The following ABCA5 variants were observed in gnomAD, a reference collection of about 807,000 sequenced individuals.
ABCA5 encodes cholesterol transporter ABCA5.
A neutral mutation model predicts 206.0 loss-of-function variants in ABCA5; 163 were observed. That is an observed-to-expected ratio of 0.79 (90% CI 0.70 to 0.90). The LOEUF (loss-of-function observed/expected upper bound fraction) is 0.90. ABCA5 is among the 40% of genes least tolerant of loss of function. The pLI, the probability that ABCA5 is intolerant of heterozygous loss-of-function variation, is 0.00. For missense variants in ABCA5, 1,859 were observed against 1,912.9 expected (o/e 0.97, Z 0.53); for synonymous variants, 609 against 613.8 (o/e 0.99, Z 0.11).
intron 8 of ABCA5, among the ~76,000 whole-genome samples, chr17:69,302,000 A>G (rs189582574): frequency 3.9e-5 from 6 of 152,208 alleles, no homozygotes; most frequent in African/African-American, 1.2e-4. Flanking sequence ...CTCAAAATGT[A>G]TAACAATCAT....
At chr17:69,265,852 G>C (rs2075201620) in intron 23 of ABCA5, among the ~76,000 whole-genome samples, 1 of 152,136 alleles carries the variant, frequency 6.6e-6, no homozygotes, top group Non-Finnish European at 1.5e-5. Flanking sequence ...ACATAAAATG[G>C]AACACTCATC....
intron 10 of ABCA5, among the ~76,000 whole-genome samples, chr17:69,296,366 TTTTA>T: frequency 6.6e-6 from 1 of 152,306 alleles, no homozygotes; most frequent in Non-Finnish European, 1.5e-5. Flanking sequence ...TTTCATTTTA[TTTTA>T]TTTCTTTTCT....
intron 36 of ABCA5, 72 bp from the exon 37 acceptor site, chr17:69,250,056 A>C (rs2074994354): frequency 9.4e-6 from 9 of 957,542 alleles, no homozygotes; most frequent in Non-Finnish European, 1.2e-5. Context: ...AAAGTTCAAC[A>C]TGTTTAAAAT....
rs2075142696 is a variant in ABCA5 at position 69,261,177 on chromosome 17, C to T, written c.3512G>A (p.Cys1171Tyr). ...TIATILHYAFCIIIPIYPLLG... is the reference protein window; with the variant it reads ...TIATILHYAFYIIIPIYPLLG... ...AAGTGGATAGATTGGAATGATGATA[C>T]AAAAGGCATAATGAAGAATAGTTGC... The change falls in exon 26 of 39, where the codon TGT becomes TAT. Residue 1171 changes from cysteine (C) to tyrosine (Y), a missense_variant. Transcript: ENST00000392676. 1 of 1,605,516 alleles carries T rather than the reference C, an allele frequency of 6.2e-7. No homozygotes were observed. Among genetic ancestry groups the T allele is most frequent in the African/African-American group, 1.3e-5 (1 of 74,560 alleles).
chr17:69,267,925 T>A lies in ABCA5; in HGVS notation c.3144+18A>T. On this transcript the variant is annotated intron_variant, in intron 23 of 38. Transcript: ENST00000392676. ...CACTTCTTATTAGCAAATTATATAT[T>A]TTTAACTGAGTCATTACCTTATGAT... is the stretch of plus-strand genomic sequence containing the variant. 1 of 1,452,318 alleles carries A rather than the reference T, an allele frequency of 6.9e-7. No individual in the cohort carries two copies. Among genetic ancestry groups the A allele is most frequent in the Non-Finnish European group, 9.6e-7 (1 of 1,040,936 alleles). 90.0% of individuals were successfully genotyped at this position (1,452,318 alleles called of 1,614,324 possible).
At chr17:69,303,054 T>A (rs926774972) in intron 7 of ABCA5, 148 bp from the exon 8 acceptor site, 15 of 480,556 alleles carry the variant, frequency 3.1e-5, no homozygotes, top group Non-Finnish European at 5.1e-5. Context: ...CTATGGTATT[T>A]TATTTTCAAA....
Position 69,289,239 on chromosome 17 carries a change from T to A in ABCA5, c.1840A>T (p.Lys614Ter). The stretch of plus-strand genomic sequence containing the variant: ...TTTCTTTTTTGACCACCACTTAATT[T>A]TTTAGCTTGGTTATCTTTGATAGTC... ...MQTIKDNQAK[K>*]LSGGQKRKLS... Residue 614 changes from lysine (K) to a stop codon, truncating the protein, a stop_gained, in exon 14 of 39, where the codon AAA becomes TAA. Coordinates refer to ENST00000392676, the MANE Select transcript of ABCA5 (RefSeq NM_172232.4). LOFTEE classifies it high-confidence loss of function. 1 of 1,608,932 alleles carries A rather than the reference T, an allele frequency of 6.2e-7. No homozygotes were observed. The highest frequency in any genetic ancestry group is 8.5e-7 in the Non-Finnish European group (1 of 1,177,788).
chr17:69,302,769 C>A lies in ABCA5; in HGVS notation c.1068G>T (p.Val356=), dbSNP rs985303684. The A allele has an allele frequency of 1.3e-6, 2 of 1,598,802 alleles. No individual in the cohort carries two copies. The highest frequency in any genetic ancestry group is 2.7e-5 in the African/African-American group (2 of 74,148). ...AGTGACAGAAAGGACTGAAAAGCCA[C>A]ACTAACGATTTGGGAAAACTTTCTA... ...ILIESFPKSL[V]WLFSPFCHCT... The change falls in exon 8 of 39, where the codon GTG becomes GTT. Residue 356 remains valine, a synonymous_variant. Coordinates refer to ENST00000392676, the MANE Select transcript of ABCA5 (RefSeq NM_172232.4).
intron 1 of ABCA5, among the ~76,000 whole-genome samples, chr17:69,325,248 G>A (rs894104193): frequency 1.1e-4 from 16 of 151,558 alleles, no homozygotes; most frequent in African/African-American, 3.9e-4. Flanking sequence ...AGTCAAGGCT[G>A]CAGTGAGCCA....
At chr17:69,252,399 T>G (rs1262281016) in intron 34 of ABCA5, among the ~76,000 whole-genome samples, 1 of 152,200 alleles carries the variant, frequency 6.6e-6, no homozygotes, top group East Asian at 1.9e-4. Context: ...AATGTTAATA[T>G]GGGCTAAAAG....
At chr17:69,262,016 CATTATT>C (rs34972131) in intron 24 of ABCA5, among the ~76,000 whole-genome samples, 1 of 151,496 alleles carries the variant, frequency 6.6e-6, no homozygotes, top group Non-Finnish European at 1.5e-5. Flanking sequence ...GTAAGAAAAA[CATTATT>C]ATTTTATATG....
chr17:69,289,621 G>A (rs909289023), intron 13 of ABCA5, among the ~76,000 whole-genome samples: 2 of 152,034 alleles, frequency 1.3e-5, no homozygotes, highest in African/African-American at 2.4e-5. Flanking sequence ...GGGGGTAGAG[G>A]AGATGAGAGC....
intron 11 of ABCA5, among the ~76,000 whole-genome samples, chr17:69,293,994 C>CA (rs955947176): frequency 6.6e-6 from 1 of 151,862 alleles, no homozygotes; most frequent in African/African-American, 2.4e-5. Flanking sequence ...TTATCAGGAC[C>CA]AAAATGTCAG....
chr17:69,281,198 C>A (rs1004636834), intron 18 of ABCA5, among the ~76,000 whole-genome samples: 1 of 151,308 alleles, frequency 6.6e-6, no homozygotes, highest in Non-Finnish European at 1.5e-5. Context: ...ACAGTTAATG[C>A]AAATATTAAA....
Position 69,253,612 on chromosome 17 carries a change from G to C in ABCA5, c.4376C>G (p.Pro1459Arg). 6.2e-7 allele frequency: 1 copy of C among 1,613,730 alleles called. No homozygotes were observed. Among genetic ancestry groups the C allele is most frequent in the Non-Finnish European group, 8.5e-7 (1 of 1,179,810 alleles). ...GNPQITLLDEPSTGMDPKAKQ... is the reference protein window; with the variant it reads ...GNPQITLLDERSTGMDPKAKQ... ...GGCTTTGGGATCCATACCTGTAGATGGTTCATCTAGCAAAGTAATCTGAGG... is the reference window on the plus strand; with the variant it reads ...GGCTTTGGGATCCATACCTGTAGATCGTTCATCTAGCAAAGTAATCTGAGG... The change falls in exon 34 of 39, where the codon CCA becomes CGA. Residue 1459 changes from proline to arginine, a missense_variant. Pro to Arg is a moderately radical substitution (Grantham distance 103). Coordinates refer to ENST00000392676, the MANE Select transcript of ABCA5 (RefSeq NM_172232.4).
chr17:69,313,337 G>A, intron 2 of ABCA5, 41 bp from the exon 3 acceptor site: 3 of 937,494 alleles, frequency 3.2e-6, no homozygotes, highest in Middle Eastern at 3.3e-4. Flanking sequence ...GTATAACAAT[G>A]GCAGCAAAAA....
chr17:69,313,034 G>A (rs2075784564), intron 3 of ABCA5, 58 bp downstream of exon 3: 3 of 1,183,760 alleles, frequency 2.5e-6, no homozygotes, highest in Admixed American at 2.7e-5. Context: ...AAAGCAAGCT[G>A]ATAAATATTG....
intron 1 of ABCA5, among the ~76,000 whole-genome samples, chr17:69,321,619 G>C (rs1468856902): frequency 6.6e-6 from 1 of 152,142 alleles, no homozygotes; most frequent in Non-Finnish European, 1.5e-5. Flanking sequence ...TCACTCACTA[G>C]CAGCTGAGTT....
In ABCA5 at chr17:69,246,273, T is replaced by C. The variant is rs2144879409; in HGVS notation, c.*1264A>G. Reference sequence around the variant, plus strand: ...GTACCAAATCCTTCTGTCATTGCTGTTGTTGTTGTCTAATACAATAATCAC... The same window carrying C: ...GTACCAAATCCTTCTGTCATTGCTGCTGTTGTTGTCTAATACAATAATCAC... On this transcript the variant is annotated 3_prime_UTR_variant, in exon 39 of 39. Transcript: ENST00000392676. The C allele has an allele frequency of 6.6e-6, 1 of 152,120 alleles. No homozygotes were observed. Among genetic ancestry groups the C allele is most frequent in the South Asian group, 2.1e-4 (1 of 4,834 alleles). The allele number at this position is 152,120 out of a possible 1,614,324, so 9.4% of individuals were successfully genotyped here.
Sources: gnomAD v4.1 joint callset for allele counts (sites outside exome capture counted in the v4.1 genomes callset) on GRCh38, gnomAD v4.1.1 for gene constraint, MANE v1.5 for transcripts, NCBI Gene and HGNC (gene_info 2026-07-23, HGNC 2026-07-21) for gene names.